PRKCH: variants seen among roughly 807,000 people sequenced by gnomAD.
PRKCH encodes protein kinase C eta.
In PRKCH, 28 loss-of-function variants were observed where a neutral mutation model predicts 82.5. The ratio of observed to expected loss-of-function variants is 0.34; its 90% CI spans 0.25 to 0.47. PRKCH has a LOEUF of 0.47. Ranked by LOEUF, PRKCH falls within the 20% of genes least tolerant of loss-of-function variation. The pLI, the probability that PRKCH is intolerant of heterozygous loss-of-function variation, is 1.00. For missense variants in PRKCH, 705 were observed against 881.8 expected, an observed-to-expected ratio of 0.80 and a Z score of 2.54; for synonymous variants, 322 against 327.4, an observed-to-expected ratio of 0.98 and a Z score of 0.18.
intron 1 of PRKCH, among the ~76,000 whole-genome samples, chr14:61,383,712 T>C (rs1179596232): frequency 1.3e-5 from 2 of 151,494 alleles, no homozygotes; most frequent in Non-Finnish European, 2.9e-5. Flanking sequence ...ATAGGTGCGG[T>C]GAAGAGAGAC....
At chr14:61,493,437 A>G (rs1323681575) in intron 10 of PRKCH, among the ~76,000 whole-genome samples, 1 of 152,214 alleles carries the variant, frequency 6.6e-6, no homozygotes, top group Non-Finnish European at 1.5e-5. Context: ...GCCTCCTGGA[A>G]TTCCACACAG....
intron 1 of PRKCH, among the ~76,000 whole-genome samples, chr14:61,367,358 G>GTGCGTGTGTGTGTGTT: frequency 7.1e-6 from 1 of 140,628 alleles, no homozygotes; most frequent in African/African-American, 2.8e-5. Flanking sequence ...GTGTGTGTGT[G>GTGCGTGTGTGTGTGTT]TATGTGTGTG....
intron 1 of PRKCH, among the ~76,000 whole-genome samples, chr14:61,343,016 A>C (rs1566829402): frequency 6.6e-6 from 1 of 152,154 alleles, no homozygotes; most frequent in East Asian, 1.9e-4. Context: ...CATGGATCCG[A>C]TATTGTTCTG....
intron 10 of PRKCH, among the ~76,000 whole-genome samples, chr14:61,493,011 A>G (rs1374869305): frequency 6.6e-6 from 1 of 152,196 alleles, no homozygotes; most frequent in Admixed American, 6.5e-5. Flanking sequence ...AATGACAGGA[A>G]CTTTGGTAGC....
chr14:61,472,530 T>G (rs1885550434), intron 9 of PRKCH, among the ~76,000 whole-genome samples: 1 of 152,216 alleles, frequency 6.6e-6, no homozygotes, highest in African/African-American at 2.4e-5. Flanking sequence ...AGCCACTTGC[T>G]GGCTTTTTTT....
chr14:61,416,252 T>C (rs1034746550), intron 2 of PRKCH, among the ~76,000 whole-genome samples: 1 of 151,874 alleles, frequency 6.6e-6, no homozygotes, highest in African/African-American at 2.4e-5. Flanking sequence ...GACAGGATTT[T>C]GCTATTTGCC....
At chr14:61,500,055 A>G (rs1294827060) in intron 10 of PRKCH, among the ~76,000 whole-genome samples, 1 of 150,506 alleles carries the variant, frequency 6.6e-6, no homozygotes, top group East Asian at 1.9e-4. Context: ...TCCATAAACC[A>G]TCCATGTTAT....
At chr14:61,351,256 G>C (rs971029150) in intron 1 of PRKCH, among the ~76,000 whole-genome samples, 4 of 152,192 alleles carry the variant, frequency 2.6e-5, no homozygotes, top group Admixed American at 2.0e-4. Context: ...TTTGTGAGGG[G>C]ATGGAGGACA....
At chr14:61,444,776 A>G (rs1884141869) in intron 3 of PRKCH, among the ~76,000 whole-genome samples, 1 of 152,220 alleles carries the variant, frequency 6.6e-6, no homozygotes, top group Non-Finnish European at 1.5e-5. Context: ...AATAGACACA[A>G]CAATCTTATT....
intron 12 of PRKCH, among the ~76,000 whole-genome samples, chr14:61,539,411 C>T (rs2043153566): frequency 6.6e-6 from 1 of 152,112 alleles, no homozygotes; most frequent in African/African-American, 2.4e-5. Flanking sequence ...CAGTATAGGG[C>T]ATTTAGTGTA....
intron 10 of PRKCH, among the ~76,000 whole-genome samples, chr14:61,504,393 T>C (rs1201647549): frequency 1.3e-5 from 2 of 152,144 alleles, no homozygotes; most frequent in African/African-American, 2.4e-5. Context: ...TCTCACTATA[T>C]TGGCCAGGCA....
intron 9 of PRKCH, among the ~76,000 whole-genome samples, chr14:61,461,749 A>G (rs529601176): frequency 6.6e-6 from 1 of 152,374 alleles, no homozygotes; most frequent in African/African-American, 2.4e-5. Flanking sequence ...AAAATGAGGA[A>G]GTAACCTGGA....
At chr14:61,265,864 G>C (rs901038042) in intron 1 of PRKCH, among the ~76,000 whole-genome samples, 2 of 152,174 alleles carry the variant, frequency 1.3e-5, no homozygotes, top group African/African-American at 2.4e-5. Flanking sequence ...GAAGGATGAG[G>C]TAGGAGGATC....
intron 1 of PRKCH, among the ~76,000 whole-genome samples, chr14:61,230,195 T>C (rs1594863420): frequency 6.6e-6 from 1 of 152,156 alleles, no homozygotes; most frequent in Non-Finnish European, 1.5e-5. Flanking sequence ...GCTGTGTGGG[T>C]GCTGGCCAAA....
chr14:61,336,611 GAAGT>G (rs766078537), intron 1 of PRKCH, among the ~76,000 whole-genome samples: 5 of 152,296 alleles, frequency 3.3e-5, no homozygotes, highest in South Asian at 2.1e-4. Flanking sequence ...TTGAAAAGCT[GAAGT>G]GAGTACTTTT....
intron 1 of PRKCH, among the ~76,000 whole-genome samples, chr14:61,314,611 T>C (rs936756051): frequency 3.3e-5 from 5 of 152,222 alleles, no homozygotes; most frequent in African/African-American, 4.8e-5. Flanking sequence ...TGTTCTGATC[T>C]CAATCCCTGG....
At chr14:61,544,296 A>G (rs748585176) in intron 12 of PRKCH, 5 of 152,212 alleles carry the variant, frequency 3.3e-5, no homozygotes, top group Non-Finnish European at 5.9e-5. Context: ...AGAGGAGTGC[A>G]GGCCCAGTGT....
intron 1 of PRKCH, among the ~76,000 whole-genome samples, chr14:61,215,099 CAGTT>C (rs1278550576): frequency 6.6e-6 from 1 of 152,166 alleles, no homozygotes; most frequent in Non-Finnish European, 1.5e-5. Flanking sequence ...AGTGATTAAA[CAGTT>C]AGATGCCGTG....
chr14:61,494,969 A>T (rs11847960), intron 10 of PRKCH, among the ~76,000 whole-genome samples: 2 of 152,332 alleles, frequency 1.3e-5, no homozygotes, highest in Admixed American at 6.5e-5. Flanking sequence ...CCTAGGGCAT[A>T]TGTGACAGGT....
Sources: allele counts gnomAD v4.1 joint callset (sites outside exome capture counted in the v4.1 genomes callset), GRCh38; gene constraint gnomAD v4.1.1; transcripts MANE v1.5; gene names NCBI Gene and HGNC (gene_info 2026-07-23, HGNC 2026-07-21).